ADAMTS18: variants seen among roughly 807,000 people sequenced by gnomAD.
The protein encoded by ADAMTS18 is ADAM metallopeptidase with thrombospondin type 1 motif 18, also known as A disintegrin and metalloproteinase with thrombospondin motifs 18.
ADAMTS18 carries 157 observed loss-of-function variants against 165.9 expected under a neutral mutation model. The observed-to-expected ratio is 0.95, with a 90% confidence interval of 0.83 to 1.08. The LOEUF (loss-of-function observed/expected upper bound fraction) is 1.08, where lower values mean the gene tolerates loss of function less well. Ranked by LOEUF, ADAMTS18 falls within the 50% of genes least tolerant of loss-of-function variation. The pLI is 0.00. For missense variants in ADAMTS18, 2,040 were observed against 1,534.0 expected (o/e 1.33, Z -5.51); for synonymous variants, 782 against 578.2 (o/e 1.35, Z -5.06).
rs766550224 is a variant in ADAMTS18 at position 77,321,039 on chromosome 16, T to C, written c.2287+40A>G. 20 of 1,613,860 alleles carry C rather than the reference T, an allele frequency of 1.2e-5. No individual in the cohort carries two copies. The East Asian group carries it at 3.3e-4, about 27-fold the overall frequency. On this transcript the variant is annotated intron_variant, in intron 15 of 22. Coordinates refer to ENST00000282849, the MANE Select transcript of ADAMTS18 (RefSeq NM_199355.4). ...ACTCAAACTTGTTTGGTAGCAAAAG[T>C]TGTATCTCATTAACAATAACAAACA...
chr16:77,319,843 GC>G lies in ADAMTS18; in HGVS notation c.2532+5del. ...ACTGAGAACTGAATACACAGAAGGG[GC>G]TTACTTCAAAGACCAGCGTCTCATT... On this transcript the variant is annotated splice_donor_5th_base_variant and intron_variant, in intron 16 of 22. Coordinates refer to ENST00000282849, the MANE Select transcript of ADAMTS18 (RefSeq NM_199355.4). 6.2e-7 allele frequency: 1 copy of G among 1,614,086 alleles called. No individual in the cohort carries two copies. Among genetic ancestry groups the G allele is most frequent in the Non-Finnish European group, 8.5e-7 (1 of 1,179,994 alleles).
At position 77,291,545 on chromosome 16, in the gene ADAMTS18, T is replaced by G. The variant is rs2055365123; in HGVS notation, c.3190-67A>C. ...GATCACATCTTCTGGACAGAGGCAG[T>G]TTGACATAAGGTTGCACCATCCACA... On this transcript the variant is annotated intron_variant, in intron 20 of 22. Transcript: ENST00000282849. 4 of 1,511,208 alleles carry G rather than the reference T, an allele frequency of 2.6e-6. No homozygotes were observed. The Admixed American group carries it at 5.0e-5, about 19-fold the overall frequency. The allele number at this position is 1,511,208 out of a possible 1,614,324, so 93.6% of individuals were successfully genotyped here.
chr16:77,398,462 G>T (rs1032679408), intron 3 of ADAMTS18, among the ~76,000 whole-genome samples: 1 of 152,174 alleles, frequency 6.6e-6, no homozygotes, highest in Non-Finnish European at 1.5e-5. Context: ...AGTGATCAAA[G>T]CTGCCAGACA....
chr16:77,321,007 T>A, intron 15 of ADAMTS18, 72 bp downstream of exon 15: 2 of 1,590,950 alleles, frequency 1.3e-6, no homozygotes, highest in East Asian at 2.2e-5. Flanking sequence ...CAACCACATT[T>A]GGCGTGACTC....
chr16:77,328,479 G>A (rs2056133211), intron 12 of ADAMTS18, among the ~76,000 whole-genome samples: 1 of 152,114 alleles, frequency 6.6e-6, no homozygotes, highest in Non-Finnish European at 1.5e-5. Context: ...CGCTAAAATG[G>A]ATTCAACAGA....
chr16:77,416,604 T>C (rs1177474639), intron 3 of ADAMTS18, among the ~76,000 whole-genome samples: 3 of 152,200 alleles, frequency 2.0e-5, no homozygotes, highest in Non-Finnish European at 4.4e-5. Flanking sequence ...CAGCCATGAT[T>C]GTGAGACCTC....
intron 11 of ADAMTS18, among the ~76,000 whole-genome samples, chr16:77,337,813 C>A (rs1449382811): frequency 1.3e-5 from 2 of 152,070 alleles, no homozygotes; most frequent in African/African-American, 2.4e-5. Context: ...ACACACAGAC[C>A]TGCACACATT....
chr16:77,353,338 C>T (rs2056583300), intron 10 of ADAMTS18, among the ~76,000 whole-genome samples: 1 of 151,924 alleles, frequency 6.6e-6, no homozygotes, highest in Admixed American at 6.6e-5. Context: ...AATAGTTATC[C>T]CATATTATAA....
chr16:77,411,528 C>T (rs541654359), intron 3 of ADAMTS18, among the ~76,000 whole-genome samples: 2 of 152,110 alleles, frequency 1.3e-5, no homozygotes, highest in African/African-American at 4.8e-5. Flanking sequence ...AGGAGACAGG[C>T]ATTATTCAAA....
chr16:77,410,894 A>G (rs1460992205), intron 3 of ADAMTS18, among the ~76,000 whole-genome samples: 1 of 152,186 alleles, frequency 6.6e-6, no homozygotes, highest in Non-Finnish European at 1.5e-5. Flanking sequence ...CTTCCTTTTT[A>G]TCATCAAACT....
intron 3 of ADAMTS18, among the ~76,000 whole-genome samples, chr16:77,368,529 T>C (rs1223258217): frequency 6.6e-6 from 1 of 151,398 alleles, no homozygotes; most frequent in Non-Finnish European, 1.5e-5. Context: ...CTTGACCTAC[T>C]GGTCTCAAGC....
chr16:77,321,308 G>A (rs928762994), intron 14 of ADAMTS18, 106 bp from the exon 15 acceptor site: 6 of 1,447,522 alleles, frequency 4.1e-6, no homozygotes, highest in Non-Finnish European at 5.7e-6. Flanking sequence ...CATTAGGGAA[G>A]CAGTACAGCT....
rs200573804 is a variant in ADAMTS18, at chr16:77,364,385, C to T, written c.779-4G>A. ...TCTGTGGGAGGCTTGGGAGCATCTACGATGAACAGAAGAGCATTTGGAAGG... is the reference window on the plus strand; with the variant it reads ...TCTGTGGGAGGCTTGGGAGCATCTATGATGAACAGAAGAGCATTTGGAAGG... On this transcript the variant is annotated splice_polypyrimidine_tract_variant and splice_region_variant and intron_variant, in intron 4 of 22. Coordinates refer to ENST00000282849, the MANE Select transcript of ADAMTS18 (RefSeq NM_199355.4). The T allele has an allele frequency of 1.2e-4, 198 of 1,613,130 alleles. No homozygotes were observed. The Middle Eastern group carries it at 3.3e-3, about 27-fold the overall frequency.
intron 19 of ADAMTS18, 55 bp from the exon 20 acceptor site, chr16:77,293,313 T>TA: frequency 7.2e-7 from 1 of 1,395,536 alleles, no homozygotes. Flanking sequence ...AGTAGCCACA[T>TA]TAAAAAAAAA....
intron 3 of ADAMTS18, among the ~76,000 whole-genome samples, chr16:77,412,896 T>C (rs575714745): frequency 2.0e-5 from 3 of 152,170 alleles, no homozygotes; most frequent in African/African-American, 7.2e-5. Flanking sequence ...AGGGTCTCAC[T>C]ATGTTGCCCA....
intron 16 of ADAMTS18, among the ~76,000 whole-genome samples, chr16:77,300,835 A>T (rs139345571): frequency 3.3e-5 from 5 of 152,140 alleles, no homozygotes; most frequent in African/African-American, 4.8e-5. Context: ...ACATATATAT[A>T]TTTTTATGAT....
intron 3 of ADAMTS18, among the ~76,000 whole-genome samples, chr16:77,371,954 A>T (rs913424762): frequency 1.3e-5 from 2 of 152,208 alleles, no homozygotes; most frequent in Non-Finnish European, 2.9e-5. Context: ...GATTTTTAAG[A>T]TGGCCAAAAA....
chr16:77,399,086 C>G (rs1410523014), intron 3 of ADAMTS18, among the ~76,000 whole-genome samples: 1 of 152,218 alleles, frequency 6.6e-6, no homozygotes, highest in Non-Finnish European at 1.5e-5. Flanking sequence ...GCCTCCCACC[C>G]CACTTTCATT....
chr16:77,347,965 C>T (rs954482531), intron 10 of ADAMTS18, among the ~76,000 whole-genome samples: 2 of 152,026 alleles, frequency 1.3e-5, no homozygotes, highest in Non-Finnish European at 2.9e-5. Context: ...TAATATGTAT[C>T]GTGTGCTTAA....
Sources: allele counts gnomAD v4.1 joint callset (sites outside exome capture counted in the v4.1 genomes callset), GRCh38; gene constraint gnomAD v4.1.1; transcripts MANE v1.5; gene names NCBI Gene and HGNC (gene_info 2026-07-23, HGNC 2026-07-21).